The following TMPRSS2 variants were observed in gnomAD, a reference collection of about 807,000 sequenced individuals.
TMPRSS2 encodes transmembrane protease serine 2.
TMPRSS2 carries 59 observed loss-of-function variants against 67.4 expected under a neutral mutation model. The ratio of observed to expected loss-of-function variants is 0.88; its 90% CI spans 0.71 to 1.09. The LOEUF (loss-of-function observed/expected upper bound fraction) is 1.09, where lower values mean the gene tolerates loss of function less well. TMPRSS2 is among the 50% of genes least tolerant of loss of function. The pLI is 0.00. For missense variants in TMPRSS2, 668 were observed against 642.7 expected (o/e 1.04, Z -0.43); for synonymous variants, 257 against 257.0 (o/e 1.00, Z 0.00).
chr21:41,488,453 G>C lies in TMPRSS2; in HGVS notation c.386C>G (p.Pro129Arg). The C allele has an allele frequency of 6.2e-7, 1 of 1,613,956 alleles. No homozygotes were observed. Among genetic ancestry groups the C allele is most frequent in the South Asian group, 1.1e-5 (1 of 91,056 alleles). Residue 129 changes from proline (P) to arginine (R), a missense_variant, in exon 5 of 14, where the codon CCC (proline) becomes CGC (arginine). Transcript: ENST00000332149. Reference protein sequence around the residue: ...ECDSSGTCINPSNWCDGVSHC... With the variant: ...ECDSSGTCINRSNWCDGVSHC... ...TGACACGCCATCACACCAGTTAGAGGGGTTGATGCAGGTACCTGAGGAGTC... is the reference window on the plus strand; with the variant it reads ...TGACACGCCATCACACCAGTTAGAGCGGTTGATGCAGGTACCTGAGGAGTC...
intron 6 of TMPRSS2, 91 bp from the exon 7 acceptor site, chr21:41,479,373 A>C (rs938391414): frequency 1.1e-6 from 1 of 933,390 alleles, no homozygotes; most frequent in Non-Finnish European, 1.6e-6. Context: ...TACGACATTC[A>C]GAATAAGAGG....
chr21:41,491,635 C>T (rs2091337284), intron 3 of TMPRSS2, among the ~76,000 whole-genome samples: 1 of 152,202 alleles, frequency 6.6e-6, no homozygotes. Context: ...ACACTTTCCT[C>T]CGTCTATGGC....
intron 1 of TMPRSS2, among the ~76,000 whole-genome samples, chr21:41,503,794 G>C (rs2091439058): frequency 6.6e-6 from 1 of 152,300 alleles, no homozygotes; most frequent in South Asian, 2.1e-4. Context: ...CAGACATAGT[G>C]ATCTTTCATA....
intron 5 of TMPRSS2, among the ~76,000 whole-genome samples, chr21:41,482,929 A>G (rs1159896422): frequency 1.3e-5 from 2 of 152,240 alleles, no homozygotes; most frequent in Non-Finnish European, 2.9e-5. Flanking sequence ...CACTAAGAAG[A>G]TCAGATAGCT....
In TMPRSS2 at chr21:41,464,949, G is replaced by T. The variant is rs2091072777; in HGVS notation, c.*1193C>A. ...GCTCATGGTTATGGCACTTGGCAAT[G>T]CAAAAGGGACCCTTCCCCTGGTTGG... On this transcript the variant is annotated 3_prime_UTR_variant, in exon 14 of 14. Transcript: ENST00000332149. The T allele has an allele frequency of 4.3e-6, 1 of 233,180 alleles. No individual in the cohort carries two copies. Among genetic ancestry groups the T allele is most frequent in the South Asian group, 1.8e-4 (1 of 5,532 alleles). 14.4% of individuals were successfully genotyped at this position (233,180 alleles called of 1,614,324 possible).
At chr21:41,497,668 A>G (rs2091393687) in intron 2 of TMPRSS2, among the ~76,000 whole-genome samples, 1 of 152,228 alleles carries the variant, frequency 6.6e-6, no homozygotes, top group African/African-American at 2.4e-5. Flanking sequence ...GATTAGCCAC[A>G]TTTGTCTCCA....
intron 5 of TMPRSS2, among the ~76,000 whole-genome samples, chr21:41,486,281 A>G (rs994983821): frequency 3.3e-5 from 5 of 152,302 alleles, no homozygotes; most frequent in Admixed American, 3.3e-4. Context: ...CCTGGAATAC[A>G]TGGCTGTGCT....
In TMPRSS2 at chr21:41,465,481, G is replaced by A. The variant is rs1027626310; in HGVS notation, c.*661C>T. 8.6e-6 allele frequency: 2 copies of A among 233,306 alleles called. No individual in the cohort carries two copies. Among genetic ancestry groups the A allele is most frequent in the African/African-American group, 4.4e-5 (2 of 45,344 alleles). 14.5% of individuals were successfully genotyped at this position (233,306 alleles called of 1,614,324 possible). ...GTGCAGGTGGAGACCTGCACCAGGA[G>A]TGCTCAGGGCAAGTTCCTTTTCAAT... On this transcript the variant is annotated 3_prime_UTR_variant, in exon 14 of 14. Coordinates refer to ENST00000332149, the MANE Select transcript of TMPRSS2 (RefSeq NM_005656.4).
chr21:41,481,663 T>C (rs2091258290), intron 5 of TMPRSS2, among the ~76,000 whole-genome samples: 1 of 152,228 alleles, frequency 6.6e-6, no homozygotes, highest in Non-Finnish European at 1.5e-5. Context: ...TAAAAAATTA[T>C]ATCTCAATAA....
At chr21:41,467,959 G>A (rs894717473) in intron 12 of TMPRSS2, 73 bp from the exon 13 acceptor site, 2 of 1,573,256 alleles carry the variant, frequency 1.3e-6, no homozygotes, top group Non-Finnish European at 1.7e-6. Flanking sequence ...ACCAGGCCTA[G>A]AGGAGTTGGG....
At chr21:41,507,698 C>A (rs978664158) in intron 1 of TMPRSS2, among the ~76,000 whole-genome samples, 1 of 152,194 alleles carries the variant, frequency 6.6e-6, no homozygotes, top group African/African-American at 2.4e-5. Context: ...AAAGGCGCAC[C>A]GGTGCTCCCA....
At chr21:41,489,980 T>C (rs2091323858) in intron 3 of TMPRSS2, among the ~76,000 whole-genome samples, 1 of 151,976 alleles carries the variant, frequency 6.6e-6, no homozygotes. Context: ...AAACCTCGTC[T>C]CTACTAAAAA....
At chr21:41,468,841 G>T in intron 11 of TMPRSS2, 1 of 306,636 alleles carries the variant, frequency 3.3e-6, no homozygotes, top group Non-Finnish European at 6.2e-6. Context: ...TCACCCAACG[G>T]CTTGGTTCTG....
intron 7 of TMPRSS2, among the ~76,000 whole-genome samples, chr21:41,477,539 G>T (rs1480191559): frequency 6.6e-6 from 1 of 152,038 alleles, no homozygotes; most frequent in Non-Finnish European, 1.5e-5. Flanking sequence ...GCAAATCTCT[G>T]CTTCCTCCAA....
At chr21:41,501,679 G>C (rs2091425601) in intron 1 of TMPRSS2, among the ~76,000 whole-genome samples, 1 of 151,566 alleles carries the variant, frequency 6.6e-6, no homozygotes, top group South Asian at 2.1e-4. Context: ...AAACAAGGGG[G>C]GGAATGTCCC....
intron 6 of TMPRSS2, 122 bp downstream of exon 6, chr21:41,480,354 T>C: frequency 2.7e-6 from 4 of 1,479,486 alleles, no homozygotes; most frequent in Non-Finnish European, 2.7e-6. Flanking sequence ...GCTCAGCTTT[T>C]GGAAGGTGAC....
chr21:41,487,012 T>C (rs2091303528), intron 5 of TMPRSS2: 1 of 152,142 alleles, frequency 6.6e-6, no homozygotes, highest in Admixed American at 6.5e-5. Flanking sequence ...AGAACTGCCA[T>C]GTGATCCAGC....
rs1004481034 is a variant in TMPRSS2 at position 41,465,957 on chromosome 21, G to A, written c.*185C>T. On this transcript the variant is annotated 3_prime_UTR_variant, in exon 14 of 14. Transcript: ENST00000332149. ...TGCGGACAAGGGGTTAGGGAGAGCA[G>A]GCTGGGCAGGGGAGCCACTGCAGCC... The A allele has an allele frequency of 2.9e-6, 2 of 692,536 alleles. No individual in the cohort carries two copies. The highest frequency in any genetic ancestry group is 2.7e-5 in the East Asian group (1 of 36,610). 42.9% of individuals were successfully genotyped at this position (692,536 alleles called of 1,614,324 possible).
chr21:41,466,958 C>T (rs997317217), intron 13 of TMPRSS2, among the ~76,000 whole-genome samples: 6 of 152,138 alleles, frequency 3.9e-5, no homozygotes, highest in Non-Finnish European at 7.4e-5. Flanking sequence ...GACCTTCCCT[C>T]GTGCTTGAGT....
Sources: allele counts gnomAD v4.1 joint callset (sites outside exome capture counted in the v4.1 genomes callset), GRCh38; gene constraint gnomAD v4.1.1; transcripts MANE v1.5; gene names NCBI Gene and HGNC (gene_info 2026-07-23, HGNC 2026-07-21).